SPART: variants seen among roughly 807,000 people sequenced by gnomAD.
The protein encoded by SPART is spastic paraplegia 20 (Troyer syndrome).
In SPART, 35 loss-of-function variants were observed where a neutral mutation model predicts 58.7. The observed-to-expected ratio is 0.60, with a 90% CI of 0.46 to 0.79. SPART has a LOEUF of 0.79. Ranked by LOEUF, SPART falls within the 30% of genes least tolerant of loss-of-function variation. The pLI is 0.00. For synonymous variants in SPART, 284 were observed against 280.7 expected (o/e 1.01, Z -0.12); for missense variants, 730 against 786.1 (o/e 0.93, Z 0.85).
Position 36,331,472 on chromosome 13 carries a change from G to A in SPART, c.935C>T (p.Ser312Phe). The A allele has an allele frequency of 6.2e-7, 1 of 1,614,052 alleles. No homozygotes were observed. The highest frequency in any genetic ancestry group is 8.5e-7 in the Non-Finnish European group (1 of 1,180,006). The change falls in exon 3 of 9, where the codon TCC (serine) becomes TTC (phenylalanine). Residue 312 changes from serine to phenylalanine, a missense_variant. Ser to Phe is a radical substitution (Grantham distance 155, BLOSUM62 -2). Transcript: ENST00000438666. ...TCTATCATCCTCTGGTAACTCAGAG[G>A]ACAGGACGACCCCCACAAAGCATCC... is the stretch of plus-strand genomic sequence containing the variant. ...AAGCFVGVVL[S>F]SELPEDDREL...
intron 8 of SPART, among the ~76,000 whole-genome samples, chr13:36,310,251 C>A (rs995708002): frequency 2.0e-5 from 3 of 152,090 alleles, no homozygotes; most frequent in African/African-American, 7.2e-5. Context: ...TAAATAACCA[C>A]GAGTTGTGAA....
chr13:36,334,630 C>T (rs1480309022), intron 2 of SPART, among the ~76,000 whole-genome samples: 1 of 152,132 alleles, frequency 6.6e-6, no homozygotes, highest in African/African-American at 2.4e-5. Context: ...GGCTCGGTCT[C>T]TCCCAGTTCA....
At chr13:36,348,295 C>A (rs1885269574), upstream of SPART, among the ~76,000 whole-genome samples, 1 of 152,046 alleles carries the variant, frequency 6.6e-6, no homozygotes, top group African/African-American at 2.4e-5. Flanking sequence ...CCCTGGCCCC[C>A]ACCAAAAAAA....
chr13:36,311,898 G>T lies in SPART; in HGVS notation c.1733+247C>A, dbSNP rs550903638. Among the ~76,000 whole-genome samples the T allele has an allele frequency of 2.6e-5, 4 of 151,930 alleles. No individual in the cohort carries two copies. The South Asian group carries it at 8.3e-4, about 32-fold the overall frequency. ...AGGTCAGGAGTTCGAGACCAGCCTG[G>T]CTAATGTGGTGAAACCCCATTTCTA... is the stretch of plus-strand genomic sequence containing the variant. On this transcript the variant is annotated intron_variant, in intron 8 of 8. Coordinates refer to ENST00000438666, the MANE Select transcript of SPART (RefSeq NM_015087.5).
At chr13:36,328,632 T>C (rs1883178704) in intron 4 of SPART, among the ~76,000 whole-genome samples, 1 of 152,224 alleles carries the variant, frequency 6.6e-6, no homozygotes, top group Non-Finnish European at 1.5e-5. Context: ...ATTTAAACTT[T>C]TTCCACTATG....
In SPART at chr13:36,326,587, T is replaced by C; in HGVS notation, c.1276A>G (p.Asn426Asp). The change falls in exon 5 of 9, where the codon AAC (asparagine) becomes GAC (aspartate). Residue 426 changes from asparagine (N) to aspartate (D), a missense_variant. Asn to Asp is a conservative substitution (Grantham distance 23). Transcript: ENST00000438666. ...ATTACTGTAATACCTGACAAAATGT[T>C]GTGAGCCACTTTTTCACTCCATTCA... Reference protein sequence around the residue: ...LPEWSEKVAHNILSGASWVSW... With the variant: ...LPEWSEKVAHDILSGASWVSW... The C allele has an allele frequency of 1.9e-6, 3 of 1,613,592 alleles. No individual in the cohort carries two copies. The highest frequency in any genetic ancestry group is 2.5e-6 in the Non-Finnish European group (3 of 1,179,882).
chr13:36,324,623 G>A (rs1396920244), intron 5 of SPART, among the ~76,000 whole-genome samples: 1 of 152,142 alleles, frequency 6.6e-6, no homozygotes, highest in Non-Finnish European at 1.5e-5. Context: ...TGTGCCTTTG[G>A]GTTTGGGGCA....
At chr13:36,326,876 T>C (rs568093651) in intron 4 of SPART, among the ~76,000 whole-genome samples, 178 bp from the exon 5 acceptor site, 24 of 152,110 alleles carry the variant, frequency 1.6e-4, no homozygotes, top group African/African-American at 5.8e-4. Flanking sequence ...TGCCATGAAG[T>C]TGAAAACTGT....
At chr13:36,349,123 C>T (rs988055476), upstream of SPART, among the ~76,000 whole-genome samples, 3 of 152,046 alleles carry the variant, frequency 2.0e-5, no homozygotes, top group African/African-American at 4.8e-5. Flanking sequence ...ATTACCTGGG[C>T]GTGGTGGCGC....
intron 4 of SPART, 42 bp from the exon 5 acceptor site, chr13:36,326,740 AAG>A (rs764217405): frequency 6.2e-7 from 1 of 1,605,262 alleles, no homozygotes; most frequent in East Asian, 2.2e-5. Context: ...AGTTAGTACT[AAG>A]AGGGGGAAAA....
chr13:36,321,757 C>T (rs1882425185), intron 5 of SPART, among the ~76,000 whole-genome samples: 3 of 152,152 alleles, frequency 2.0e-5, no homozygotes, highest in African/African-American at 7.2e-5. Flanking sequence ...GCCTCTGAGC[C>T]CAAGCCAAGC....
intron 1 of SPART, among the ~76,000 whole-genome samples, chr13:36,354,418 G>T (rs996565837): frequency 2.6e-5 from 4 of 152,170 alleles, no homozygotes; most frequent in African/African-American, 9.7e-5. Flanking sequence ...TATGCCTTTT[G>T]CCTGTGGGAG....
At chr13:36,307,170 ATTTAC>A (rs1420401939) in intron 8 of SPART, among the ~76,000 whole-genome samples, 1 of 152,076 alleles carries the variant, frequency 6.6e-6, no homozygotes, top group African/African-American at 2.4e-5. Context: ...TTTTAAACAA[ATTTAC>A]TTTAATTAGA....
At chr13:36,310,631 T>C (rs1195695152) in intron 8 of SPART, among the ~76,000 whole-genome samples, 2 of 152,182 alleles carry the variant, frequency 1.3e-5, no homozygotes, top group Non-Finnish European at 2.9e-5. Context: ...CTCATCTCAC[T>C]GACTCAAAAC....
intron 1 of SPART, among the ~76,000 whole-genome samples, chr13:36,361,842 A>T (rs938371878): frequency 6.6e-6 from 1 of 152,312 alleles, no homozygotes; most frequent in Non-Finnish European, 1.5e-5. Context: ...GACTATTGTA[A>T]TCTCTGTTGA....
intron 2 of SPART, among the ~76,000 whole-genome samples, chr13:36,334,060 T>C (rs1038955060): frequency 1.9e-4 from 29 of 152,208 alleles, no homozygotes; most frequent in African/African-American, 6.8e-4. Context: ...AGAGATAAGC[T>C]GTGCTATTAC....
chr13:36,335,080 C>T lies in SPART; in HGVS notation c.751G>A (p.Val251Met). Residue 251 changes from valine to methionine, a missense_variant, in exon 2 of 9, where the codon GTG (valine) becomes ATG (methionine). Transcript: ENST00000438666. ...TCGAGAGAATTATCCAAAAACCTCACAATTCGAAGGTACCCAGGATACGAA... is the reference window on the plus strand; with the variant it reads ...TCGAGAGAATTATCCAAAAACCTCATAATTCGAAGGTACCCAGGATACGAA... ...APSYPGYLRIVRFLDNSLDTV... is the reference protein window; with the variant it reads ...APSYPGYLRIMRFLDNSLDTV... 1.2e-6 allele frequency: 2 copies of T among 1,614,102 alleles called. No individual in the cohort carries two copies. Among genetic ancestry groups the T allele is most frequent in the Non-Finnish European group, 1.7e-6 (2 of 1,180,002 alleles).
chr13:36,328,071 T>G (rs1253596499), intron 4 of SPART, among the ~76,000 whole-genome samples: 1 of 152,136 alleles, frequency 6.6e-6, no homozygotes, highest in Non-Finnish European at 1.5e-5. Flanking sequence ...AGACTTATTT[T>G]TTACCATATA....
At chr13:36,338,342 G>A (rs1197839064) in intron 1 of SPART, among the ~76,000 whole-genome samples, 1 of 152,194 alleles carries the variant, frequency 6.6e-6, no homozygotes, top group Non-Finnish European at 1.5e-5. Context: ...AAAGGAGGCA[G>A]ACAAGTGAAA....
Sources: gnomAD v4.1 joint callset for allele counts (sites outside exome capture counted in the v4.1 genomes callset) on GRCh38, gnomAD v4.1.1 for gene constraint, MANE v1.5 for transcripts, NCBI Gene and HGNC (gene_info 2026-07-23, HGNC 2026-07-21) for gene names.